The following POMK variants were observed in gnomAD, a reference collection of about 807,000 sequenced individuals.
POMK encodes the protein Sugen kinase 196.
Under a neutral mutation model 23.0 loss-of-function variants are expected in POMK, and 19 were observed. The ratio of observed to expected loss-of-function variants is 0.83; its 90% CI spans 0.58 to 1.21. The LOEUF (loss-of-function observed/expected upper bound fraction) is 1.21, where lower values mean the gene tolerates loss of function less well. Ranked by LOEUF, POMK falls within the 50% of genes most tolerant of loss-of-function variation. POMK has a pLI of 0.00. For missense variants in POMK, 410 were observed against 431.3 expected, an observed-to-expected ratio of 0.95 and a Z score of 0.44; for synonymous variants, 173 against 171.6, an observed-to-expected ratio of 1.01 and a Z score of -0.06.
Position 43,122,299 on chromosome 8 carries a change from A to G in POMK, c.475A>G (p.Asn159Asp). ...ATATCACCCTCTAGGTTCCTTGAGTAACCTGGAAGAAACACTAAACCTTTC... is the reference window on the plus strand; with the variant it reads ...ATATCACCCTCTAGGTTCCTTGAGTGACCTGGAAGAAACACTAAACCTTTC... ...TEYHPLGSLS[N>D]LEETLNLSKY... Residue 159 changes from asparagine to aspartate, a missense_variant, in exon 5 of 5, where the codon AAC (asparagine) becomes GAC (aspartate). Asn to Asp is a conservative substitution (Grantham distance 23). Transcript: ENST00000331373. The G allele has an allele frequency of 6.2e-7, 1 of 1,614,218 alleles. No individual in the cohort carries two copies.
At position 43,122,711 on chromosome 8, in the gene POMK, T is replaced by A. The variant is rs564512395; in HGVS notation, c.887T>A (p.Ile296Asn). ...ATCTCCAGTTTCCTTCTGGGGCACA[T>A]TGAAGGGAGTGATATGGTCCGATTC... The part of the protein sequence containing the change: ...PDISSFLLGH[I>N]EGSDMVRFHL... Residue 296 changes from isoleucine (I) to asparagine (N), a missense_variant, in exon 5 of 5, where the codon ATT (isoleucine) becomes AAT (asparagine). Ile to Asn is a moderately radical substitution (Grantham distance 149). Transcript: ENST00000331373. The A allele has an allele frequency of 6.2e-7, 1 of 1,614,176 alleles. No homozygotes were observed. The highest frequency in any genetic ancestry group is 8.5e-7 in the Non-Finnish European group (1 of 1,180,010).
intron 1 of POMK, among the ~76,000 whole-genome samples, chr8:43,094,281 C>A (rs1232822638): frequency 6.6e-6 from 1 of 152,118 alleles, no homozygotes; most frequent in African/African-American, 2.4e-5. Flanking sequence ...AGGTGATCCG[C>A]CCGCCTCTGC....
At chr8:43,116,423 C>G (rs1427043936) in intron 4 of POMK, among the ~76,000 whole-genome samples, 1 of 152,120 alleles carries the variant, frequency 6.6e-6, no homozygotes, top group Admixed American at 6.5e-5. Flanking sequence ...TGCCACCATG[C>G]CTGGCTAATT....
chr8:43,105,366 C>T (rs1410751929), intron 4 of POMK, among the ~76,000 whole-genome samples: 2 of 152,170 alleles, frequency 1.3e-5, no homozygotes, highest in Non-Finnish European at 2.9e-5. Context: ...CTCTAGAAAA[C>T]TGTTAGGCTT....
At chr8:43,098,680 C>T (rs191460693) in intron 2 of POMK, among the ~76,000 whole-genome samples, 333 of 152,228 alleles carry the variant, frequency 2.2e-3, no homozygotes, top group Non-Finnish European at 3.5e-3. Flanking sequence ...TTTTGAGGAG[C>T]GGCCAGACTG....
intron 4 of POMK, among the ~76,000 whole-genome samples, chr8:43,116,420 A>T (rs1167890643): frequency 2.0e-5 from 3 of 151,782 alleles, no homozygotes; most frequent in African/African-American, 7.3e-5. Flanking sequence ...GTGTGCCACC[A>T]TGCCTGGCTA....
In POMK at chr8:43,119,389, A is replaced by T. The variant is rs191438538; in HGVS notation, c.283-2718A>T. On this transcript the variant is annotated intron_variant, in intron 4 of 4. Coordinates refer to ENST00000331373, the MANE Select transcript of POMK (RefSeq NM_032237.5). Reference sequence around the variant, plus strand: ...ATGTGGTCTTATCTAGTCCTTAAAAATTAGGAAATTTTTAGTGCATGTAGC... The same window carrying T: ...ATGTGGTCTTATCTAGTCCTTAAAATTTAGGAAATTTTTAGTGCATGTAGC... 2.5e-3 allele frequency among the ~76,000 whole-genome samples: 374 copies of T among 151,634 alleles called. 2 individuals carry two copies. Among genetic ancestry groups the T allele is most frequent in the South Asian group, 0.011 (52 of 4,796 alleles).
intron 4 of POMK, 146 bp from the exon 5 acceptor site, chr8:43,121,961 C>T (rs576195365): frequency 5.9e-5 from 46 of 777,472 alleles, no homozygotes; most frequent in Middle Eastern, 3.0e-4. Flanking sequence ...CATAACTAGA[C>T]GGAGAGCAAC....
intron 4 of POMK, among the ~76,000 whole-genome samples, chr8:43,118,804 G>T (rs1811852178): frequency 6.6e-6 from 1 of 151,716 alleles, no homozygotes; most frequent in African/African-American, 2.4e-5. Flanking sequence ...CCAACTTACT[G>T]TTTTTTTTGT....
In POMK at chr8:43,122,251, G is replaced by A. The variant is rs768973337; in HGVS notation, c.427G>A (p.Asp143Asn). Residue 143 changes from aspartate (D) to asparagine (N), a missense_variant, in exon 5 of 5, where the codon GAT becomes AAT. By Grantham distance (23) the Asp-to-Asn change is conservative (BLOSUM62 1). Coordinates refer to ENST00000331373, the MANE Select transcript of POMK (RefSeq NM_032237.5). ...TGTCACGCTGCTTGGCTATTGTGAG[G>A]ATGACAACACTATGCTTACTGAATA... ...HVVTLLGYCE[D>N]DNTMLTEYHP... 1 of 1,614,200 alleles carries A rather than the reference G, an allele frequency of 6.2e-7. No homozygotes were observed. Among genetic ancestry groups the A allele is most frequent in the Non-Finnish European group, 8.5e-7 (1 of 1,180,032 alleles).
intron 4 of POMK, among the ~76,000 whole-genome samples, chr8:43,111,249 A>C (rs183904528): frequency 1.3e-3 from 191 of 152,326 alleles, no homozygotes; most frequent in African/African-American, 4.5e-3. Flanking sequence ...CAGCGAGCTC[A>C]ACAAGTGGCA....
chr8:43,122,301 C>T lies in POMK; in HGVS notation c.477C>T (p.Asn159=), dbSNP rs1257687093. 1.2e-6 allele frequency: 2 copies of T among 1,614,156 alleles called. No individual in the cohort carries two copies. Among genetic ancestry groups the T allele is most frequent in the East Asian group, 4.5e-5 (2 of 44,888 alleles). The change falls in exon 5 of 5, where the codon AAC becomes AAT. Residue 159 remains asparagine (N), a synonymous_variant. Coordinates refer to ENST00000331373, the MANE Select transcript of POMK (RefSeq NM_032237.5). ...ATCACCCTCTAGGTTCCTTGAGTAACCTGGAAGAAACACTAAACCTTTCAA... is the reference window on the plus strand; with the variant it reads ...ATCACCCTCTAGGTTCCTTGAGTAATCTGGAAGAAACACTAAACCTTTCAA... ...TEYHPLGSLS[N]LEETLNLSKY... is the part of the protein sequence containing the mutation.
chr8:43,100,078 T>G (rs1563335887), intron 2 of POMK, among the ~76,000 whole-genome samples: 1 of 152,150 alleles, frequency 6.6e-6, no homozygotes, highest in Non-Finnish European at 1.5e-5. Context: ...CAGGAGTCCT[T>G]CGGGGCCTCT....
intron 2 of POMK, among the ~76,000 whole-genome samples, chr8:43,101,259 C>A (rs915867876): frequency 1.3e-5 from 2 of 149,382 alleles, no homozygotes; most frequent in Non-Finnish European, 3.0e-5. Flanking sequence ...CCAGTCTCTA[C>A]AAAAAAAAAT....
At chr8:43,110,176 A>G (rs1251345883) in intron 4 of POMK, among the ~76,000 whole-genome samples, 1 of 152,204 alleles carries the variant, frequency 6.6e-6, no homozygotes, top group Non-Finnish European at 1.5e-5. Flanking sequence ...CTTCCCTTAC[A>G]TGCCTCGTGT....
Position 43,103,534 on chromosome 8 carries a change from G to T in POMK, c.-15G>T. 1 of 1,613,044 alleles carries T rather than the reference G, an allele frequency of 6.2e-7. No individual in the cohort carries two copies. Among genetic ancestry groups the T allele is most frequent in the Non-Finnish European group, 8.5e-7 (1 of 1,179,314 alleles). ...GTTTCATTGTGTATTTTAGGAAATT[G>T]CAGAGGCCGTCAACATGGAAAAGCA... On this transcript the variant is annotated 5_prime_UTR_variant, in exon 4 of 5. Coordinates refer to ENST00000331373, the MANE Select transcript of POMK (RefSeq NM_032237.5).
At chr8:43,109,839 C>A (rs1341269094) in intron 4 of POMK, among the ~76,000 whole-genome samples, 1 of 152,192 alleles carries the variant, frequency 6.6e-6, no homozygotes, top group Admixed American at 6.5e-5. Context: ...CCACACCTGG[C>A]TTGCCATAAG....
At chr8:43,119,160 G>A (rs1219896583) in intron 4 of POMK, among the ~76,000 whole-genome samples, 6 of 152,022 alleles carry the variant, frequency 3.9e-5, no homozygotes, top group Admixed American at 6.6e-5. Flanking sequence ...AGCCAGCATC[G>A]TTTTTAGGTG....
At chr8:43,099,212 A>T in intron 2 of POMK, among the ~76,000 whole-genome samples, 1 of 152,226 alleles carries the variant, frequency 6.6e-6, no homozygotes, top group East Asian at 1.9e-4. Context: ...TGGCCTCCCA[A>T]AGTGCCGGGA....
Sources: allele counts gnomAD v4.1 joint callset (sites outside exome capture counted in the v4.1 genomes callset), GRCh38; gene constraint gnomAD v4.1.1; transcripts MANE v1.5; gene names NCBI Gene and HGNC (gene_info 2026-07-23, HGNC 2026-07-21).